Variants in HAUS6 observed in about 807,000 individuals in gnomAD.
HAUS6 encodes the protein HAUS augmin like complex subunit 6.
Under a neutral mutation model 106.8 loss-of-function variants are expected in HAUS6, and 80 were observed. That is an observed-to-expected ratio of 0.75 (90% CI 0.63 to 0.90). HAUS6 has a LOEUF of 0.90. HAUS6 is among the 40% of genes least tolerant of loss of function. The pLI is 0.00. For missense variants in HAUS6, 1,155 were observed against 1,118.1 expected, an observed-to-expected ratio of 1.03 and a Z score of -0.47; for synonymous variants, 356 against 379.1, an observed-to-expected ratio of 0.94 and a Z score of 0.71.
intron 14 of HAUS6, among the ~76,000 whole-genome samples, chr9:19,060,907 A>T (rs1246251168): frequency 6.6e-6 from 1 of 152,228 alleles, no homozygotes; most frequent in Non-Finnish European, 1.5e-5. Context: ...CACGCCTGTA[A>T]TCCCAGCACT....
At chr9:19,068,323 A>G (rs1836809743) in intron 12 of HAUS6, among the ~76,000 whole-genome samples, 1 of 152,076 alleles carries the variant, frequency 6.6e-6, no homozygotes, top group Non-Finnish European at 1.5e-5. Flanking sequence ...ATCCAGATAG[A>G]CTAAAATATG....
At chr9:19,081,318 T>C (rs1018875663) in intron 8 of HAUS6, among the ~76,000 whole-genome samples, 2 of 152,190 alleles carry the variant, frequency 1.3e-5, no homozygotes, top group African/African-American at 4.8e-5. Flanking sequence ...TAAATTCATT[T>C]TTTAACAGAA....
intron 12 of HAUS6, among the ~76,000 whole-genome samples, chr9:19,065,567 G>A (rs946511949): frequency 9.9e-5 from 15 of 152,146 alleles, no homozygotes; most frequent in Non-Finnish European, 1.8e-4. Context: ...TGGGCTGGGC[G>A]CGGTGGCTCA....
intron 4 of HAUS6, among the ~76,000 whole-genome samples, chr9:19,092,588 C>G (rs1242148260): frequency 8.0e-6 from 1 of 125,560 alleles, no homozygotes; most frequent in African/African-American, 3.2e-5. Context: ...GCACTCCAGC[C>G]TGGGCAACAA....
At chr9:19,061,481 T>C (rs1836617784) in intron 14 of HAUS6, among the ~76,000 whole-genome samples, 1 of 152,074 alleles carries the variant, frequency 6.6e-6, no homozygotes, top group Admixed American at 6.5e-5. Flanking sequence ...AATAGAACTT[T>C]AGAGATTTAA....
chr9:19,096,815 T>C, intron 1 of HAUS6, 46 bp from the exon 2 acceptor site: 1 of 886,838 alleles, frequency 1.1e-6, no homozygotes, highest in Non-Finnish European at 1.8e-6. Flanking sequence ...AAAAGGTTAA[T>C]AAGCTAAACA....
At position 19,063,004 on chromosome 9, in the gene HAUS6, T is replaced by C. The variant is rs758008639; in HGVS notation, c.1629+4A>G. On this transcript the variant is annotated splice_donor_region_variant and intron_variant, in intron 14 of 16. Transcript: ENST00000380502. The stretch of plus-strand genomic sequence containing the variant: ...TAAGTATACTCATTACAGTCTTTTC[T>C]CACCTCTTCTACCAGATGATCTTGC... 3.1e-6 allele frequency: 5 copies of C among 1,602,792 alleles called. No homozygotes were observed. The highest frequency in any genetic ancestry group is 2.7e-5 in the African/African-American group (2 of 74,678).
intron 12 of HAUS6, among the ~76,000 whole-genome samples, chr9:19,069,437 A>G (rs201852881): frequency 1.3e-5 from 2 of 152,120 alleles, no homozygotes; most frequent in Non-Finnish European, 2.9e-5. Context: ...ATCTGTAATC[A>G]CAGCACTTTG....
At chr9:19,099,912 G>T (rs1817951048) in intron 1 of HAUS6, among the ~76,000 whole-genome samples, 1 of 152,210 alleles carries the variant, frequency 6.6e-6, no homozygotes, top group Admixed American at 6.5e-5. Context: ...AAACTTAGCT[G>T]CCCAGGTGTG....
intron 2 of HAUS6, 48 bp from the exon 3 acceptor site, chr9:19,094,443 A>G (rs1817820069): frequency 9.8e-7 from 1 of 1,019,490 alleles, no homozygotes; most frequent in Non-Finnish European, 1.5e-6. Context: ...ACAATAGCCA[A>G]AAAAAAAAGC....
chr9:19,072,252 C>T (rs780183985), intron 11 of HAUS6, among the ~76,000 whole-genome samples: 7 of 151,564 alleles, frequency 4.6e-5, no homozygotes, highest in Non-Finnish European at 5.9e-5. Flanking sequence ...ATGACTAACA[C>T]CTGTAATCTC....
chr9:19,062,331 G>A (rs1200510396), intron 14 of HAUS6, among the ~76,000 whole-genome samples: 2 of 152,130 alleles, frequency 1.3e-5, no homozygotes, highest in Non-Finnish European at 2.9e-5. Context: ...ACTCAGCTAA[G>A]CAACAAACAA....
chr9:19,101,906 G>A (rs1817996538), intron 1 of HAUS6, among the ~76,000 whole-genome samples: 1 of 152,160 alleles, frequency 6.6e-6, no homozygotes, highest in Non-Finnish European at 1.5e-5. Context: ...GCAACAGAGG[G>A]AGACTCCATA....
chr9:19,097,605 T>C (rs1441337191), intron 1 of HAUS6, among the ~76,000 whole-genome samples: 1 of 151,958 alleles, frequency 6.6e-6, no homozygotes, highest in Non-Finnish European at 1.5e-5. Context: ...AAACAACAGG[T>C]GCTGGAAAGG....
chr9:19,086,553 G>C (rs749819145), intron 7 of HAUS6, among the ~76,000 whole-genome samples, 181 bp downstream of exon 7: 3 of 151,386 alleles, frequency 2.0e-5, no homozygotes, highest in Non-Finnish European at 4.4e-5. Context: ...TCAAGAGGCA[G>C]AGGGTGTAGT....
At chr9:19,065,864 T>C (rs62563594) in intron 12 of HAUS6, among the ~76,000 whole-genome samples, 68,421 of 151,726 alleles carry the variant, frequency 0.45, 16,672 homozygotes, top group African/African-American at 0.66. Flanking sequence ...ATGAATAAAA[T>C]TTTGTACTTT....
chr9:19,086,906 T>A, intron 6 of HAUS6, 124 bp from the exon 7 acceptor site: 1 of 625,428 alleles, frequency 1.6e-6, no homozygotes, highest in Non-Finnish European at 2.8e-6. Context: ...TAAAATTTAA[T>A]CTGAAAGCGA....
At chr9:19,099,625 C>A (rs1308975829) in intron 1 of HAUS6, among the ~76,000 whole-genome samples, 1 of 152,148 alleles carries the variant, frequency 6.6e-6, no homozygotes, top group Non-Finnish European at 1.5e-5. Flanking sequence ...ACCACCATGC[C>A]TAGCCTAATT....
At chr9:19,093,638 G>A (rs963798461) in intron 3 of HAUS6, among the ~76,000 whole-genome samples, 1 of 152,190 alleles carries the variant, frequency 6.6e-6, no homozygotes, top group Non-Finnish European at 1.5e-5. Flanking sequence ...GGAGGCCGAG[G>A]CAGACGGATC....
Sources: allele counts gnomAD v4.1 joint callset (sites outside exome capture counted in the v4.1 genomes callset), GRCh38; gene constraint gnomAD v4.1.1; transcripts MANE v1.5; gene names NCBI Gene and HGNC (gene_info 2026-07-23, HGNC 2026-07-21).